IGBP1: variants seen among roughly 807,000 people sequenced by gnomAD.
IGBP1 encodes immunoglobulin binding protein 1.
In IGBP1, 2 loss-of-function variants were observed where a neutral mutation model predicts 25.9. That is an observed-to-expected ratio of 0.08 (90% CI 0.03 to 0.24). The LOEUF (loss-of-function observed/expected upper bound fraction) is 0.24. IGBP1 is among the 10% of genes least tolerant of loss of function. The pLI is 1.00. For missense variants in IGBP1, 187 were observed against 260.4 expected, an observed-to-expected ratio of 0.72 and a Z score of 1.94; for synonymous variants, 96 against 93.4, an observed-to-expected ratio of 1.03 and a Z score of -0.16.
At chrX:70,148,127 CAT>C (rs752396834) in intron 4 of IGBP1, among the ~76,000 whole-genome samples, 1 of 111,692 alleles carries the variant, frequency 9.0e-6, no homozygotes, top group African/African-American at 3.3e-5. Context: ...AATGTGCTTT[CAT>C]GTGGTATTGG....
rs751724927 is a variant in IGBP1, at chrX:70,150,238, C to G, written c.787C>G (p.Pro263Ala). Residue 263 changes from proline to alanine, a missense_variant, in exon 6 of 7, where the codon CCA becomes GCA. By Grantham distance (27) the Pro-to-Ala change is conservative. Coordinates refer to ENST00000356413, the MANE Select transcript of IGBP1 (RefSeq NM_001551.3). ...KVFGAGYPSL[P>A]TMTVSDWYEQ... ...ATTTGGAGCTGGTTATCCAAGTCTG[C>G]CAACTATGACGGTGAGTGACTGGTA... The G allele has an allele frequency of 8.3e-7, 1 of 1,199,508 alleles. No homozygotes were observed. Among genetic ancestry groups the G allele is most frequent in the East Asian group, 3.0e-5 (1 of 33,825 alleles).
At chrX:70,151,828 A>C (rs1329934540) in intron 6 of IGBP1, among the ~76,000 whole-genome samples, 1 of 111,343 alleles carries the variant, frequency 9.0e-6, no homozygotes, top group East Asian at 2.8e-4. Context: ...TAGTGAGCCA[A>C]GATCACGCCA....
intron 3 of IGBP1, among the ~76,000 whole-genome samples, chrX:70,141,009 G>A (rs1383944710): frequency 9.0e-6 from 1 of 110,783 alleles, no homozygotes; most frequent in Non-Finnish European, 1.9e-5. Context: ...AAACTTTGGG[G>A]CAAGTTAAGG....
At chrX:70,138,361 C>A (rs1274411433) in intron 3 of IGBP1, among the ~76,000 whole-genome samples, 1 of 108,068 alleles carries the variant, frequency 9.3e-6, no homozygotes, top group African/African-American at 3.4e-5. Context: ...GTGGCACAGG[C>A]CTGTAGTCCC....
intron 6 of IGBP1, chrX:70,163,807 C>T (rs1024457770): frequency 8.9e-6 from 1 of 112,155 alleles, no homozygotes; most frequent in African/African-American, 3.2e-5. Flanking sequence ...CAGCAAAATC[C>T]AGTCTTTGGG....
At chrX:70,163,279 G>A (rs1291633140) in intron 6 of IGBP1, among the ~76,000 whole-genome samples, 1 of 109,567 alleles carries the variant, frequency 9.1e-6, no homozygotes, top group Non-Finnish European at 1.9e-5. Flanking sequence ...GGATGATCTC[G>A]AACTCCTGGG....
intron 3 of IGBP1, among the ~76,000 whole-genome samples, chrX:70,139,311 C>CAAAA (rs775830617): frequency 4.8e-4 from 19 of 39,430 alleles, no homozygotes; most frequent in African/African-American, 1.4e-3. Context: ...GACTCCGTCT[C>CAAAA]AAAAAAAAAA....
chrX:70,159,054 T>C (rs1383017163), intron 6 of IGBP1, among the ~76,000 whole-genome samples: 2 of 111,401 alleles, frequency 1.8e-5, no homozygotes, highest in Admixed American at 9.6e-5. Context: ...AAAAAAGAGT[T>C]GGAAGATATT....
In IGBP1 at chrX:70,148,671, G is replaced by C. The variant is rs936734984; in HGVS notation, c.679-90G>C. The C allele has an allele frequency of 8.2e-6, 5 of 606,186 alleles. No individual in the cohort carries two copies. In the African/African-American group the frequency reaches 1.1e-4, roughly 13 times the overall value. 50.0% of individuals were successfully genotyped at this position (606,186 alleles called of 1,213,427 possible). A position where few individuals can be genotyped will look rare whatever the true frequency, so the allele number is the denominator to read the frequency against. On this transcript the variant is annotated intron_variant, in intron 4 of 6. Coordinates refer to ENST00000356413, the MANE Select transcript of IGBP1 (RefSeq NM_001551.3). ...AGAAAGTGAGTGAATTTTGAATCCA[G>C]AGCTTTTCAAGCACCTGAAGACTTA...
At chrX:70,151,840 T>A (rs1382059911) in intron 6 of IGBP1, among the ~76,000 whole-genome samples, 1 of 111,263 alleles carries the variant, frequency 9.0e-6, no homozygotes, top group Non-Finnish European at 1.9e-5. Flanking sequence ...ATCACGCCAC[T>A]GCACTCCAGC....
At chrX:70,161,298 G>T (rs757728380) in intron 6 of IGBP1, among the ~76,000 whole-genome samples, 1 of 111,717 alleles carries the variant, frequency 9.0e-6, no homozygotes, top group Non-Finnish European at 1.9e-5. Context: ...GGGTCATATC[G>T]AGCCAATTTA....
At chrX:70,159,601 C>G (rs1161418971) in intron 6 of IGBP1, among the ~76,000 whole-genome samples, 3 of 110,928 alleles carry the variant, frequency 2.7e-5, no homozygotes, top group African/African-American at 9.8e-5. Context: ...TGCTCTCCCA[C>G]CAAGGCAAGG....
chrX:70,146,535 A>G (rs2085167600), intron 3 of IGBP1, 98 bp from the exon 4 acceptor site: 2 of 672,047 alleles, frequency 3.0e-6, no homozygotes, highest in East Asian at 6.7e-5. Flanking sequence ...TATGCTTACT[A>G]CCCTATCATT....
intron 4 of IGBP1, 46 bp from the exon 5 acceptor site, chrX:70,148,715 T>G (rs1383130021): frequency 1.0e-5 from 9 of 898,494 alleles, no homozygotes; most frequent in Middle Eastern, 3.1e-4. Context: ...TATGGTATGT[T>G]GGGTAAAATG....
chrX:70,138,385 G>A (rs770882603), intron 3 of IGBP1, among the ~76,000 whole-genome samples: 2 of 106,556 alleles, frequency 1.9e-5, no homozygotes, highest in East Asian at 6.0e-4. Flanking sequence ...TACTCCAGAG[G>A]CTGAGCTGAG....
intron 5 of IGBP1, among the ~76,000 whole-genome samples, chrX:70,149,215 C>T (rs1368381249): frequency 9.3e-5 from 8 of 86,395 alleles, no homozygotes; most frequent in Middle Eastern, 7.6e-3. Flanking sequence ...GCAACAAGAG[C>T]GAGACTCCGT....
rs2085081004 is a variant in IGBP1 at position 70,134,196 on chromosome X, A to G, written c.188+61A>G. On this transcript the variant is annotated intron_variant, in intron 2 of 6. Transcript: ENST00000356413. ...AGGTAATAATGGTTACCAAGGGTGG[A>G]GCCATTGCGCCTGAGTGGAGGGGAC... is the stretch of plus-strand genomic sequence containing the variant. 6.5e-6 allele frequency: 7 copies of G among 1,077,170 alleles called. No homozygotes were observed. The Admixed American group carries it at 6.7e-5, about 10-fold the overall frequency. The allele number at this position is 1,077,170 out of a possible 1,213,427, so 88.8% of individuals were successfully genotyped here. A position where few individuals can be genotyped will look rare whatever the true frequency, so the allele number is the denominator to read the frequency against.
chrX:70,158,751 G>A (rs1020922659), intron 6 of IGBP1, among the ~76,000 whole-genome samples: 1 of 111,814 alleles, frequency 8.9e-6, no homozygotes, highest in Non-Finnish European at 1.9e-5. Flanking sequence ...GCTGAGGCAG[G>A]AGAATTGGCT....
In IGBP1 at chrX:70,136,100, G is replaced by C. The variant is rs1181435393; in HGVS notation, c.482+1284G>C. On this transcript the variant is annotated intron_variant, in intron 3 of 6. Transcript: ENST00000356413. ...TTTGTGGCTAAGAGTATGGGTCATA[G>C]AGTCAGAGACCTGGGTTTGAGATCC... is the stretch of plus-strand genomic sequence containing the variant. 5.4e-5 allele frequency among the ~76,000 whole-genome samples: 6 copies of C among 111,621 alleles called. No homozygotes were observed. In the South Asian group the frequency reaches 2.2e-3, roughly 42 times the overall value.
Sources: allele counts gnomAD v4.1 joint callset (sites outside exome capture counted in the v4.1 genomes callset), GRCh38; gene constraint gnomAD v4.1.1; transcripts MANE v1.5; gene names NCBI Gene and HGNC (gene_info 2026-07-23, HGNC 2026-07-21).